Variants in SETD5 observed in about 807,000 individuals in gnomAD.
SETD5 encodes SET domain containing 5, also known as histone-lysine N-methyltransferase SETD5.
A neutral mutation model predicts 153.3 loss-of-function variants in SETD5; 44 were observed. The ratio of observed to expected loss-of-function variants is 0.29; its 90% confidence interval spans 0.23 to 0.37. The LOEUF (loss-of-function observed/expected upper bound fraction) is 0.37. SETD5 is among the 10% of genes least tolerant of loss of function. SETD5 has a pLI of 1.00. For missense variants in SETD5, 1,544 were observed against 1,768.0 expected (o/e 0.87, Z 2.27); for synonymous variants, 716 against 645.2 (o/e 1.11, Z -1.66).
intron 19 of SETD5, among the ~76,000 whole-genome samples, chr3:9,471,535 T>C (rs941064337): frequency 2.6e-5 from 4 of 152,100 alleles, no homozygotes; most frequent in African/African-American, 9.7e-5. Flanking sequence ...AGGCATGCAG[T>C]ATGGTGCAAA....
chr3:9,415,571 T>C (rs1287220522), intron 1 of SETD5, among the ~76,000 whole-genome samples: 2 of 152,176 alleles, frequency 1.3e-5, no homozygotes. Flanking sequence ...CCATTGCTGT[T>C]ATTTTATTAT....
At chr3:9,463,109 T>A (rs1288470754) in intron 17 of SETD5, among the ~76,000 whole-genome samples, 1 of 152,172 alleles carries the variant, frequency 6.6e-6, no homozygotes, top group Non-Finnish European at 1.5e-5. Context: ...AACCTCTGCC[T>A]CCTGGGTTCA....
chr3:9,425,882 T>C (rs1472416573), intron 2 of SETD5, among the ~76,000 whole-genome samples: 5 of 152,216 alleles, frequency 3.3e-5, no homozygotes, highest in African/African-American at 4.8e-5. Context: ...ACTGAAAATA[T>C]AAAACAATTC....
chr3:9,464,850 A>G, intron 18 of SETD5, 178 bp downstream of exon 18: 2 of 922,804 alleles, frequency 2.2e-6, no homozygotes, highest in Non-Finnish European at 3.3e-6. Flanking sequence ...TCATCTTGGC[A>G]GCCCCTATGC....
intron 18 of SETD5, 111 bp from the exon 19 acceptor site, chr3:9,470,348 C>T: frequency 2.5e-6 from 2 of 789,988 alleles, no homozygotes; most frequent in East Asian, 2.4e-5. Flanking sequence ...TGCTCTACTT[C>T]CGTCCCTCTT....
rs118122412 is a variant in SETD5 at position 9,460,089 on chromosome 3, C to G, written c.2477-4336C>G. ...AAAATCAACATAAGAGATATAAGTA[C>G]TGGTAAAGAGGGTTAATGTGTTATC... On this transcript the variant is annotated intron_variant, in intron 17 of 22. Coordinates refer to ENST00000402198, the MANE Select transcript of SETD5 (RefSeq NM_001080517.3). 1.4e-3 allele frequency among the ~76,000 whole-genome samples: 213 copies of G among 151,270 alleles called. 7 individuals carry two copies. The East Asian group carries it at 0.026, about 18-fold the overall frequency.
intron 1 of SETD5, among the ~76,000 whole-genome samples, chr3:9,417,522 A>G (rs3885755): frequency 0.29 from 42,398 of 147,914 alleles, 7,355 homozygotes; most frequent in African/African-American, 0.5. Context: ...GTCTCGCTCT[A>G]TCGCCCAGGC....
chr3:9,429,680 T>C (rs2125051981), intron 3 of SETD5: 1 of 271,328 alleles, frequency 3.7e-6, no homozygotes, highest in African/African-American at 2.3e-5. Flanking sequence ...AGGCCTTCAT[T>C]ATACAACTTT....
rs753011240 is a variant in SETD5, at chr3:9,476,489, GA to G, written c.*405del. On this transcript the variant is annotated 3_prime_UTR_variant, in exon 23 of 23. Coordinates refer to ENST00000402198, the MANE Select transcript of SETD5 (RefSeq NM_001080517.3). ...AAAAAAAAAAAAAAAGTTTTCAAAG[GA>G]AAAAAAGTTAAAAGAGCCAATCTCA... 1.6e-3 allele frequency: 261 copies of G among 160,500 alleles called. No individual in the cohort carries two copies. Among genetic ancestry groups the G allele is most frequent in the Non-Finnish European group, 2.5e-3 (184 of 73,220 alleles). 9.9% of individuals were successfully genotyped at this position (160,500 alleles called of 1,614,324 possible). A position where few individuals can be genotyped will look rare whatever the true frequency, so the allele number is the denominator to read the frequency against.
intron 1 of SETD5, among the ~76,000 whole-genome samples, chr3:9,407,539 T>C (rs2035898327): frequency 6.6e-6 from 1 of 152,112 alleles, no homozygotes. Context: ...GAAATAAACA[T>C]ATCCCACTTC....
At position 9,475,768 on chromosome 3, in the gene SETD5, C is replaced by G. The variant is rs780962615; in HGVS notation, c.4006C>G (p.Pro1336Ala). The change falls in exon 23 of 23, where the codon CCA (proline) becomes GCA (alanine). Residue 1336 changes from proline (P) to alanine (A), a missense_variant. Coordinates refer to ENST00000402198, the MANE Select transcript of SETD5 (RefSeq NM_001080517.3). ...HSGNSTGSNLPRRSCPSSAAS... is the reference protein window; with the variant it reads ...HSGNSTGSNLARRSCPSSAAS... ...TGGAAACAGCACTGGCAGCAATCTT[C>G]CAAGGAGGAGCTGCCCTTCTAGTGC... 1 of 1,613,998 alleles carries G rather than the reference C, an allele frequency of 6.2e-7. No individual in the cohort carries two copies. The highest frequency in any genetic ancestry group is 8.5e-7 in the Non-Finnish European group (1 of 1,179,876).
intron 11 of SETD5, among the ~76,000 whole-genome samples, chr3:9,444,537 CT>C (rs112373936): frequency 6.7e-5 from 10 of 148,994 alleles, no homozygotes; most frequent in South Asian, 2.1e-4. Flanking sequence ...GGAGGGCTTT[CT>C]TTTTTTTTTC....
At chr3:9,417,909 C>T (rs952190893) in intron 1 of SETD5, among the ~76,000 whole-genome samples, 1 of 149,094 alleles carries the variant, frequency 6.7e-6, no homozygotes, top group South Asian at 2.1e-4. Context: ...ATATTTTAAA[C>T]TTCTGAGGCA....
intron 17 of SETD5, 27 bp from the exon 18 acceptor site, chr3:9,464,398 C>G: frequency 6.3e-7 from 1 of 1,593,936 alleles, no homozygotes. Context: ...TGGTTTCAAA[C>G]TCTCATCCAA....
chr3:9,463,060 C>G (rs2044172026), intron 17 of SETD5, among the ~76,000 whole-genome samples: 1 of 152,096 alleles, frequency 6.6e-6, no homozygotes, highest in Non-Finnish European at 1.5e-5. Flanking sequence ...CCCTCTGTCA[C>G]CCAGGCTAGA....
rs1419768821 is a variant in SETD5 at position 9,476,628 on chromosome 3, G to T, written c.*537G>T. Reference sequence around the variant, plus strand: ...CCAAAAGCAGGTATCTGGCCAATGTGTGTCCACCAAGAATACTGTTTATCT... The same window carrying T: ...CCAAAAGCAGGTATCTGGCCAATGTTTGTCCACCAAGAATACTGTTTATCT... On this transcript the variant is annotated 3_prime_UTR_variant, in exon 23 of 23. Transcript: ENST00000402198. The T allele has an allele frequency of 1.3e-5, 2 of 153,618 alleles. No homozygotes were observed. Among genetic ancestry groups the T allele is most frequent in the East Asian group, 3.8e-4 (2 of 5,200 alleles). The allele number at this position is 153,618 out of a possible 1,614,324, so 9.5% of individuals were successfully genotyped here.
chr3:9,450,309 C>G (rs770207153), intron 16 of SETD5, among the ~76,000 whole-genome samples: 6 of 152,168 alleles, frequency 3.9e-5, no homozygotes, highest in African/African-American at 1.4e-4. Flanking sequence ...TATACAGGCT[C>G]TACTCAAGCA....
chr3:9,476,087 C>A lies in SETD5; in HGVS notation c.4325C>A (p.Ser1442Tyr). ...GGAGTCAAGACTCAGACGGGACTTT[C>A]CTAGGGCTTCTGGATTTGGGCAAAC... ...GSGVKTQTGL[S>Y] The change falls in exon 23 of 23, where the codon TCC becomes TAC. Residue 1442 changes from serine to tyrosine, a missense_variant. Around this residue, in one of 9 missense-constraint regions of SETD5, gnomAD observed 302 missense variants for 277.6 expected, o/e 1.09. Coordinates refer to ENST00000402198, the MANE Select transcript of SETD5 (RefSeq NM_001080517.3). The A allele has an allele frequency of 6.2e-7, 1 of 1,611,584 alleles. No individual in the cohort carries two copies. Among genetic ancestry groups the A allele is most frequent in the East Asian group, 2.2e-5 (1 of 44,826 alleles).
intron 3 of SETD5, chr3:9,430,506 A>G (rs1328829219): frequency 1.8e-5 from 5 of 275,114 alleles, no homozygotes; most frequent in Non-Finnish European, 2.8e-5. Flanking sequence ...TTACTTAACC[A>G]TTTTACAACT....
Sources: allele counts gnomAD v4.1 joint callset (sites outside exome capture counted in the v4.1 genomes callset), GRCh38; gene constraint gnomAD v4.1.1; regional missense constraint gnomAD v4.1.1; transcripts MANE v1.5; gene names NCBI Gene and HGNC (gene_info 2026-07-23, HGNC 2026-07-21).